The following PHF3 variants were observed in gnomAD, a reference collection of about 807,000 sequenced individuals.
The protein encoded by PHF3 is PHD finger protein 3.
A neutral mutation model predicts 178.4 loss-of-function variants in PHF3; 41 were observed. The ratio of observed to expected loss-of-function variants is 0.23; its 90% CI spans 0.18 to 0.30. PHF3 has a LOEUF of 0.30. Among genes scored for constraint, PHF3 ranks in the 10% least tolerant of loss-of-function variants. PHF3 has a pLI of 1.00. For synonymous variants in PHF3, 842 were observed against 800.5 expected, an observed-to-expected ratio of 1.05 and a Z score of -0.88; for missense variants, 2,346 against 2,398.1, an observed-to-expected ratio of 0.98 and a Z score of 0.45.
chr6:63,695,703 A>G (rs1767202590), intron 6 of PHF3, among the ~76,000 whole-genome samples: 1 of 152,154 alleles, frequency 6.6e-6, no homozygotes, highest in Non-Finnish European at 1.5e-5. Flanking sequence ...CCTAGGAAAG[A>G]AATGATGGTA....
intron 2 of PHF3, among the ~76,000 whole-genome samples, chr6:63,663,427 A>G (rs879809960): frequency 8.5e-5 from 13 of 152,112 alleles, no homozygotes; most frequent in Admixed American, 3.9e-4. Flanking sequence ...TTTTTAGAGA[A>G]GTAGGAAAGC....
In PHF3 at chr6:63,718,395, T is replaced by G. The variant is rs943020021; in HGVS notation, c.*4687T>G. Among the ~76,000 whole-genome samples the G allele has an allele frequency of 3.9e-5, 6 of 152,058 alleles. No homozygotes were observed. Among genetic ancestry groups the G allele is most frequent in the Non-Finnish European group, 8.8e-5 (6 of 67,958 alleles). ...TGTCAAAGCTTTTGTTTATATGGCT[T>G]ATATCATTATTTAGCATACTAGAAA... On this transcript the variant is annotated 3_prime_UTR_variant, in exon 16 of 16. Coordinates refer to ENST00000262043, the MANE Select transcript of PHF3 (RefSeq NM_001370348.2).
intron 4 of PHF3, among the ~76,000 whole-genome samples, chr6:63,689,626 G>A (rs1766907268): frequency 6.6e-6 from 1 of 152,088 alleles, no homozygotes; most frequent in Non-Finnish European, 1.5e-5. Flanking sequence ...ATCTGTAGAT[G>A]GCACTAGAGT....
Position 63,711,675 on chromosome 6 carries a change from C to T in PHF3, c.4087C>T (p.His1363Tyr), listed in dbSNP as rs1767932239. Residue 1363 changes from histidine to tyrosine, a missense_variant, in exon 16 of 16, where the codon CAT becomes TAT. Physicochemically the swap from His to Tyr is moderately conservative, Grantham distance 83. This residue lies in a region of PHF3 where 839 missense variants were observed against 806.9 expected (regional missense o/e 1.04). Coordinates refer to ENST00000262043, the MANE Select transcript of PHF3 (RefSeq NM_001370348.2). ...RQHSACASTS[H>Y]IAETPESAPP... ...GCACAGTGCCTGTGCTAGTACTAGT[C>T]ATATAGCTGAGACTCCTGAAAGTGC... The T allele has an allele frequency of 6.2e-6, 10 of 1,613,656 alleles. No individual in the cohort carries two copies. The highest frequency in any genetic ancestry group is 1.3e-5 in the African/African-American group (1 of 74,986).
At position 63,685,190 on chromosome 6, in the gene PHF3, C is replaced by T. The variant is rs1443823362; in HGVS notation, c.1468C>T (p.His490Tyr). ...YLESKSVKSK[H>Y]TKPVIHSKQN... ...AGAGTCAAAAAGTGTAAAATCCAAA[C>T]ATACAAAACCTGTAATTCATTCTAA... Residue 490 changes from histidine (H) to tyrosine (Y), a missense_variant, in exon 4 of 16, where the codon CAT becomes TAT. This residue lies in a region of PHF3 where 843 missense variants were observed against 795.2 expected (regional missense o/e 1.06). Coordinates refer to ENST00000262043, the MANE Select transcript of PHF3 (RefSeq NM_001370348.2). 1 of 1,613,892 alleles carries T rather than the reference C, an allele frequency of 6.2e-7. No homozygotes were observed.
chr6:63,713,351 G>A lies in PHF3; in HGVS notation c.5763G>A (p.Gln1921=), dbSNP rs1257585125. Residue 1921 remains glutamine (Q), a synonymous_variant, in exon 16 of 16, where the codon CAG becomes CAA. Coordinates refer to ENST00000262043, the MANE Select transcript of PHF3 (RefSeq NM_001370348.2). ...RPFNRGKGDR[Q]RFYSDSHHLK... ...TTAATAGGGGTAAAGGGGACCGCCA[G>A]AGATTTTATAGTGATTCACACCATT... The A allele has an allele frequency of 1.2e-6, 2 of 1,614,038 alleles. No individual in the cohort carries two copies.
At position 63,689,537 on chromosome 6, in the gene PHF3, TAGAAG is replaced by T. The variant is rs1480640087; in HGVS notation, c.2190-2197_2190-2193del. ...TATGTGACGTAGAATTCTCTGATCT[TAGAAG>T]AGTGAGTCTTTTCTCTCTCTCAAAA... is the stretch of plus-strand genomic sequence containing the variant. On this transcript the variant is annotated intron_variant, in intron 4 of 15. Transcript: ENST00000262043. 1.6e-4 allele frequency among the ~76,000 whole-genome samples: 25 copies of T among 152,316 alleles called. 1 individual carries two copies. Among genetic ancestry groups the T allele is most frequent in the Admixed American group, 3.9e-4 (6 of 15,304 alleles).
At chr6:63,653,502 A>G (rs1470483992) in intron 2 of PHF3, among the ~76,000 whole-genome samples, 1 of 152,062 alleles carries the variant, frequency 6.6e-6, no homozygotes, top group African/African-American at 2.4e-5. Flanking sequence ...TTATTTTGGT[A>G]TATAGAAATG....
rs866518255 is a variant in PHF3, at chr6:63,720,732, G to C, written c.*7024G>C. ...AAAATTGGTTTTAAAAATCTCTTGAGTAACGATATTTACCTTTCTACCATA... is the reference window on the plus strand; with the variant it reads ...AAAATTGGTTTTAAAAATCTCTTGACTAACGATATTTACCTTTCTACCATA... On this transcript the variant is annotated 3_prime_UTR_variant, in exon 16 of 16. Transcript: ENST00000262043. The C allele has an allele frequency of 6.5e-7, 1 of 1,548,994 alleles. No individual in the cohort carries two copies. The highest frequency in any genetic ancestry group is 1.7e-4 in the Middle Eastern group (1 of 5,982).
In PHF3 at chr6:63,712,415, G is replaced by C. The variant is rs62001890; in HGVS notation, c.4827G>C (p.Gln1609His). Residue 1609 changes from glutamine to histidine, a missense_variant, in exon 16 of 16, where the codon CAG (glutamine) becomes CAC (histidine). By Grantham distance (24) the Gln-to-His change is conservative. Transcript: ENST00000262043. ...EDQENNLQDN[Q>H]TSNSSPCRSN... is the part of the protein sequence containing the mutation. ...AAGAGAATAATTTGCAAGATAACCAGACTTCAAATAGTTCTCCATGCAGAT... is the reference window on the plus strand; with the variant it reads ...AAGAGAATAATTTGCAAGATAACCACACTTCAAATAGTTCTCCATGCAGAT... 9.4e-5 allele frequency: 152 copies of C among 1,613,868 alleles called. No individual in the cohort carries two copies. The African/African-American group carries it at 1.9e-3, about 20-fold the overall frequency.
intron 2 of PHF3, among the ~76,000 whole-genome samples, chr6:63,653,275 CTTTTGG>C (rs545558487): frequency 4.4e-4 from 67 of 151,076 alleles, no homozygotes; most frequent in African/African-American, 1.5e-3. Flanking sequence ...CTATACACTG[CTTTTGG>C]TAGGTAATGT....
chr6:63,657,334 C>T (rs1363568272), intron 2 of PHF3, among the ~76,000 whole-genome samples: 1 of 152,182 alleles, frequency 6.6e-6, no homozygotes, highest in Non-Finnish European at 1.5e-5. Flanking sequence ...ACAGAGCCCC[C>T]ATTCTTTGCA....
At chr6:63,704,293 T>C (rs1767601444) in intron 11 of PHF3, among the ~76,000 whole-genome samples, 1 of 152,142 alleles carries the variant, frequency 6.6e-6, no homozygotes, top group Non-Finnish European at 1.5e-5. Flanking sequence ...TTAGAGTTGT[T>C]CATTCTGTGG....
intron 1 of PHF3, among the ~76,000 whole-genome samples, chr6:63,639,354 G>A (rs1359212309): frequency 6.6e-6 from 1 of 152,096 alleles, no homozygotes; most frequent in Non-Finnish European, 1.5e-5. Flanking sequence ...TAAAGTTTTA[G>A]ACTGAAAATA....
intron 1 of PHF3, 135 bp from the exon 2 acceptor site, chr6:63,646,392 G>C: frequency 1.9e-6 from 1 of 528,274 alleles, no homozygotes; most frequent in Middle Eastern, 5.1e-4. Flanking sequence ...AACAAGTGAG[G>C]ATTTTTTTTT....
chr6:63,706,833 C>G lies in PHF3; in HGVS notation c.3668C>G (p.Thr1223Ser). ...INMPSVAKFV[T>S]KAYPVSGSPE... The stretch of plus-strand genomic sequence containing the variant: ...ATGCCTTCTGTGGCAAAATTTGTTA[C>G]CAAAGCCTATCCAGTATCTGGCTCC... Residue 1223 changes from threonine to serine, a missense_variant, in exon 13 of 16, where the codon ACC becomes AGC. Thr to Ser is a moderately conservative substitution (Grantham distance 58). Around this residue, in one of 8 missense-constraint regions of PHF3, gnomAD observed 205 missense variants for 212.4 expected, o/e 0.97. Transcript: ENST00000262043. The G allele has an allele frequency of 6.2e-7, 1 of 1,614,004 alleles. No homozygotes were observed. Among genetic ancestry groups the G allele is most frequent in the Non-Finnish European group, 8.5e-7 (1 of 1,179,924 alleles).
intron 3 of PHF3, among the ~76,000 whole-genome samples, chr6:63,683,129 G>T (rs1379582180): frequency 6.6e-6 from 1 of 151,878 alleles, no homozygotes; most frequent in Admixed American, 6.6e-5. Flanking sequence ...ATTAGAAAGG[G>T]TCTCTAAGAT....
At chr6:63,694,514 G>A in intron 5 of PHF3, 67 bp from the exon 6 acceptor site, 1 of 1,100,932 alleles carries the variant, frequency 9.1e-7, no homozygotes, top group Non-Finnish European at 1.3e-6. Flanking sequence ...AGTTATTTTT[G>A]TACGTCTTAA....
At chr6:63,657,183 C>G (rs764713174) in intron 2 of PHF3, among the ~76,000 whole-genome samples, 10 of 152,128 alleles carry the variant, frequency 6.6e-5, no homozygotes, top group Non-Finnish European at 1.3e-4. Context: ...TATTTTCCAC[C>G]TCTTTGGATA....
Sources: gnomAD v4.1 joint callset for allele counts (sites outside exome capture counted in the v4.1 genomes callset) on GRCh38, gnomAD v4.1.1 for gene constraint, gnomAD v4.1.1 regional missense constraint, MANE v1.5 for transcripts, NCBI Gene and HGNC (gene_info 2026-07-23, HGNC 2026-07-21) for gene names.